The following MAGT1 variants were observed in gnomAD, a reference collection of about 807,000 sequenced individuals.
MAGT1 encodes magnesium transporter 1.
MAGT1 carries 4 observed loss-of-function variants against 28.4 expected under a neutral mutation model. That is an observed-to-expected ratio of 0.14 (90% confidence interval 0.07 to 0.32). MAGT1 has a LOEUF of 0.32. MAGT1 is among the 10% of genes least tolerant of loss of function. The pLI is 1.00. For missense variants in MAGT1, 193 were observed against 264.5 expected, an observed-to-expected ratio of 0.73 and a Z score of 1.88; for synonymous variants, 89 against 89.7, an observed-to-expected ratio of 0.99 and a Z score of 0.04.
At chrX:77,853,998 A>G in intron 6 of MAGT1, 34 bp from the exon 7 acceptor site, 1 of 1,062,041 alleles carries the variant, frequency 9.4e-7, no homozygotes, top group South Asian at 1.9e-5. Context: ...GGAATCTTTA[A>G]GTATACATTA....
chrX:77,835,217 C>T (rs2076913009), intron 8 of MAGT1, among the ~76,000 whole-genome samples: 1 of 110,354 alleles, frequency 9.1e-6, no homozygotes, highest in Non-Finnish European at 1.9e-5. Flanking sequence ...GCCTCGGCCT[C>T]CCAAAGTGCT....
chrX:77,842,786 T>G (rs1286215338), intron 7 of MAGT1, among the ~76,000 whole-genome samples: 2 of 109,709 alleles, frequency 1.8e-5, no homozygotes, highest in Non-Finnish European at 3.8e-5. Context: ...GAGATGGCAC[T>G]ACTGCACTCC....
chrX:77,833,205 C>T (rs1423350630), intron 8 of MAGT1, among the ~76,000 whole-genome samples: 1 of 112,211 alleles, frequency 8.9e-6, no homozygotes, highest in African/African-American at 3.2e-5. Context: ...TGGCCAACAA[C>T]TGTTCGAGAA....
At chrX:77,871,533 C>T (rs894250370) in intron 2 of MAGT1, among the ~76,000 whole-genome samples, 9 of 111,551 alleles carry the variant, frequency 8.1e-5, no homozygotes, top group Non-Finnish European at 1.7e-4. Context: ...CATGGCAAAA[C>T]CCTGTCTCTA....
chrX:77,831,803 A>G (rs2076899326), intron 8 of MAGT1, among the ~76,000 whole-genome samples: 1 of 110,342 alleles, frequency 9.1e-6, no homozygotes, highest in African/African-American at 3.3e-5. Context: ...TACATTGCCC[A>G]GGCTGGTGTT....
intron 3 of MAGT1, among the ~76,000 whole-genome samples, chrX:77,862,436 T>C (rs141599456): frequency 2.6e-3 from 284 of 111,285 alleles, no homozygotes; most frequent in Non-Finnish European, 4.6e-3. Context: ...TGGGAGAAAA[T>C]ATTTACAAAC....
chrX:77,837,771 C>T, intron 8 of MAGT1, among the ~76,000 whole-genome samples: 1 of 111,573 alleles, frequency 9.0e-6, no homozygotes, highest in South Asian at 3.7e-4. Context: ...GAGATGAAGT[C>T]TCACTCCGTC....
chrX:77,854,001 A>T (rs781958418), intron 6 of MAGT1, 37 bp from the exon 7 acceptor site: 21 of 1,042,439 alleles, frequency 2.0e-5, no homozygotes, highest in Non-Finnish European at 2.7e-5. Context: ...ATCTTTAAGT[A>T]TACATTAAAT....
intron 8 of MAGT1, among the ~76,000 whole-genome samples, 190 bp from the exon 9 acceptor site, chrX:77,831,085 TCGGCTCACTGCAAGCTC>T (rs2076897557): frequency 9.0e-6 from 1 of 110,972 alleles, no homozygotes; most frequent in African/African-American, 3.3e-5. Flanking sequence ...CGGCGCGATC[TCGGCTCACTGCAAGCTC>T]CGCCTCCTGG....
At chrX:77,875,660 T>C in intron 1 of MAGT1, 63 bp from the exon 2 acceptor site, 1 of 1,099,386 alleles carries the variant, frequency 9.1e-7, no homozygotes, top group Non-Finnish European at 1.2e-6. Context: ...GTTCTTTTAA[T>C]GAGGCAGCTT....
At chrX:77,888,145 C>T (rs1181131701) in intron 1 of MAGT1, among the ~76,000 whole-genome samples, 1 of 111,828 alleles carries the variant, frequency 8.9e-6, no homozygotes, top group African/African-American at 3.2e-5. Context: ...AGAAAATATA[C>T]TGATCTAAAG....
intron 1 of MAGT1, among the ~76,000 whole-genome samples, chrX:77,879,142 C>T (rs782665497): frequency 9.0e-6 from 1 of 110,787 alleles, no homozygotes; most frequent in Non-Finnish European, 1.9e-5. Flanking sequence ...CTGCAACCTC[C>T]CCCTGCTGGG....
chrX:77,857,713 C>T (rs2076984920), intron 3 of MAGT1, among the ~76,000 whole-genome samples: 1 of 111,445 alleles, frequency 9.0e-6, no homozygotes. Flanking sequence ...TCACCAAATA[C>T]ACATTCCTCG....
chrX:77,873,639 A>G (rs1394456298), intron 2 of MAGT1, among the ~76,000 whole-genome samples: 1 of 111,761 alleles, frequency 8.9e-6, no homozygotes, highest in Non-Finnish European at 1.9e-5. Context: ...ATTAGTCTCC[A>G]TCTCCAAGGT....
intron 8 of MAGT1, among the ~76,000 whole-genome samples, chrX:77,836,026 C>A (rs1557213889): frequency 9.0e-6 from 1 of 111,260 alleles, no homozygotes; most frequent in Non-Finnish European, 1.9e-5. Context: ...TAGTCTAGAA[C>A]TTTCTGACCT....
At chrX:77,834,044 T>C (rs1324958101) in intron 8 of MAGT1, among the ~76,000 whole-genome samples, 1 of 107,871 alleles carries the variant, frequency 9.3e-6, no homozygotes, top group Admixed American at 1.0e-4. Flanking sequence ...CACAGTCTCT[T>C]CAATAAAAGG....
intron 3 of MAGT1, among the ~76,000 whole-genome samples, chrX:77,862,906 C>T (rs1180594292): frequency 9.0e-6 from 1 of 111,420 alleles, no homozygotes; most frequent in Non-Finnish European, 1.9e-5. Flanking sequence ...GTGGCTCATT[C>T]CTATAATCCC....
chrX:77,839,314 A>G (rs1369919534), intron 8 of MAGT1, among the ~76,000 whole-genome samples: 1 of 104,881 alleles, frequency 9.5e-6, no homozygotes, highest in African/African-American at 3.5e-5. Flanking sequence ...AACAACAACA[A>G]CAACAACAAA....
intron 7 of MAGT1, among the ~76,000 whole-genome samples, chrX:77,844,796 G>C (rs1463224919): frequency 1.7e-4 from 19 of 111,668 alleles, no homozygotes; most frequent in Non-Finnish European, 2.6e-4. Flanking sequence ...TGATTGCACC[G>C]TGGTCTGAGA....
Sources: gnomAD v4.1 joint callset for allele counts (sites outside exome capture counted in the v4.1 genomes callset) on GRCh38, gnomAD v4.1.1 for gene constraint, MANE v1.5 for transcripts, NCBI Gene and HGNC (gene_info 2026-07-23, HGNC 2026-07-21) for gene names.